The following SEH1L variants were observed in gnomAD, a reference collection of about 807,000 sequenced individuals.
The protein encoded by SEH1L is nucleoporin SEH1.
SEH1L carries 18 observed loss-of-function variants against 49.5 expected under a neutral mutation model. The ratio of observed to expected loss-of-function variants is 0.36; its 90% CI spans 0.25 to 0.54. The LOEUF (loss-of-function observed/expected upper bound fraction) is 0.54. Ranked by LOEUF, SEH1L falls within the 20% of genes least tolerant of loss-of-function variation. The pLI is 0.87. For missense variants in SEH1L, 404 were observed against 528.8 expected (o/e 0.76, Z 2.31); for synonymous variants, 169 against 178.1 (o/e 0.95, Z 0.41).
At chr18:12,975,603 C>T (rs1415378191) in intron 5 of SEH1L, 4 of 558,776 alleles carry the variant, frequency 7.2e-6, no homozygotes, top group Middle Eastern at 9.2e-4. Context: ...AGGAGAGAGA[C>T]AGGGGAGGGG....
At chr18:12,980,536 T>G (rs1598978376) in intron 6 of SEH1L, among the ~76,000 whole-genome samples, 1 of 78,654 alleles carries the variant, frequency 1.3e-5, no homozygotes, top group Non-Finnish European at 2.5e-5. Flanking sequence ...CCCACCTCCC[T>G]CCCGGACGGG....
rs1394796463 is a variant in SEH1L at position 12,955,383 on chromosome 18, A to G, written c.163-80A>G. ...CTGATGTAAAACCAGTGTTTATGAA[A>G]TATGAATAAGTATTTAGGAAAAAAG... On this transcript the variant is annotated intron_variant, in intron 2 of 8. Transcript: ENST00000399892. The G allele has an allele frequency of 2.9e-6, 4 of 1,363,684 alleles. No individual in the cohort carries two copies. In the African/African-American group the frequency reaches 5.8e-5, roughly 20 times the overall value. 84.5% of individuals were successfully genotyped at this position (1,363,684 alleles called of 1,614,324 possible).
chr18:12,967,022 G>A (rs1314706144), intron 4 of SEH1L, among the ~76,000 whole-genome samples: 1 of 151,240 alleles, frequency 6.6e-6, no homozygotes, highest in Non-Finnish European at 1.5e-5. Flanking sequence ...ACCAGTTTTT[G>A]TTACATGTAT....
rs1159074242 is a variant in SEH1L, at chr18:12,978,838, A to G, written c.707A>G (p.His236Arg). The change falls in exon 6 of 9, where the codon CAT (histidine) becomes CGT (arginine). Residue 236 changes from histidine (H) to arginine (R), a missense_variant. Coordinates refer to ENST00000399892, the MANE Select transcript of SEH1L (RefSeq NM_001013437.2). ...GCTCCAAATTTGGGAAGATCTTTCC[A>G]TATTCTAGCAATAGCGACCAAAGAT... ...AFAPNLGRSF[H>R]ILAIATKDVR... 6.2e-7 allele frequency: 1 copy of G among 1,614,066 alleles called. No homozygotes were observed. Among genetic ancestry groups the G allele is most frequent in the Non-Finnish European group, 8.5e-7 (1 of 1,179,946 alleles).
At chr18:12,952,185 T>G (rs2030574848) in intron 2 of SEH1L, among the ~76,000 whole-genome samples, 1 of 135,174 alleles carries the variant, frequency 7.4e-6, no homozygotes, top group Non-Finnish European at 1.7e-5. Flanking sequence ...CATACATAGT[T>G]TTCTCTTAAA....
In SEH1L at chr18:12,979,987, G is replaced by C. The variant is rs530093120; in HGVS notation, c.761+1095G>C. On this transcript the variant is annotated intron_variant, in intron 6 of 8. Coordinates refer to ENST00000399892, the MANE Select transcript of SEH1L (RefSeq NM_001013437.2). The stretch of plus-strand genomic sequence containing the variant: ...CCCTCACCTCCCGGACGGGGCGGCT[G>C]GCCGGGCGCGGGGCTGACCCCCCCA... Among the ~76,000 whole-genome samples, 304 of 138,660 alleles carry C rather than the reference G, an allele frequency of 2.2e-3. 7 individuals carry two copies. Among genetic ancestry groups the C allele is most frequent in the Non-Finnish European group, 2.9e-3 (180 of 63,080 alleles). The allele number at this position is 138,660 out of a possible 152,430, so 91.0% of individuals were successfully genotyped here.
At chr18:12,953,125 A>G (rs2030648149) in intron 2 of SEH1L, among the ~76,000 whole-genome samples, 1 of 152,204 alleles carries the variant, frequency 6.6e-6, no homozygotes, top group Admixed American at 6.5e-5. Context: ...GAATTTTGAA[A>G]TACATAGTCC....
At chr18:12,971,341 C>A in intron 5 of SEH1L, 90 bp downstream of exon 5, 1 of 862,676 alleles carries the variant, frequency 1.2e-6, no homozygotes, top group Non-Finnish European at 1.9e-6. Context: ...AATTATGTGT[C>A]ATTCATCATA....
intron 2 of SEH1L, among the ~76,000 whole-genome samples, chr18:12,953,916 T>G (rs1195580010): frequency 1.3e-5 from 2 of 152,250 alleles, no homozygotes; most frequent in African/African-American, 4.8e-5. Context: ...TATTTCAGTT[T>G]CCATTTTATT....
chr18:12,973,417 A>G lies in SEH1L; in HGVS notation c.620+2166A>G, dbSNP rs1401519925. ...CGAGTTCAAGTGATTCTCCTGCCTT[A>G]GCCTCCTGAATAGCTGGGATTACAA... is the stretch of plus-strand genomic sequence containing the variant. On this transcript the variant is annotated intron_variant, in intron 5 of 8. Transcript: ENST00000399892. The G allele has an allele frequency of 3.3e-5, 5 of 151,506 alleles. No homozygotes were observed. In the East Asian group the frequency reaches 9.7e-4, roughly 29 times the overall value. 9.4% of individuals were successfully genotyped at this position (151,506 alleles called of 1,614,324 possible).
At chr18:12,948,394 C>T (rs2030252536) in intron 1 of SEH1L, 162 bp downstream of exon 1, 1 of 539,082 alleles carries the variant, frequency 1.9e-6, no homozygotes, top group African/African-American at 2.0e-5. Context: ...TCCCCGCCCG[C>T]GTATTGTGGG....
rs532013173 is a variant in SEH1L at position 12,965,259 on chromosome 18, A to G, written c.521+1888A>G. Among the ~76,000 whole-genome samples the G allele has an allele frequency of 6.6e-5, 10 of 151,678 alleles. 1 individual carries two copies. In the Middle Eastern group the frequency reaches 0.01, roughly 155 times the overall value. On this transcript the variant is annotated intron_variant, in intron 4 of 8. Transcript: ENST00000399892. ...GATCTCCTGACCTTGTGATCCGCCC[A>G]CCTCGGCCTCCCAAACTGCTGGGAT...
rs1237584951 is a variant in SEH1L, at chr18:12,955,553, G to C, written c.253G>C (p.Val85Leu). The C allele has an allele frequency of 6.2e-7, 1 of 1,613,956 alleles. No individual in the cohort carries two copies. Among genetic ancestry groups the C allele is most frequent in the East Asian group, 2.2e-5 (1 of 44,870 alleles). The part of the protein sequence containing the change: ...ASCSFDRTAA[V>L]WEEIVGESND... Reference sequence around the variant, plus strand: ...CTGTTCTTTTGACCGAACAGCTGCTGTATGGGAAGAAATAGTAGGAGAATC... The same window carrying C: ...CTGTTCTTTTGACCGAACAGCTGCTCTATGGGAAGAAATAGTAGGAGAATC... The change falls in exon 3 of 9, where the codon GTA (valine) becomes CTA (leucine). Residue 85 changes from valine (V) to leucine (L), a missense_variant. Physicochemically the swap from Val to Leu is conservative, Grantham distance 32. Transcript: ENST00000399892.
At position 12,978,898 on chromosome 18, in the gene SEH1L, T is replaced by G; in HGVS notation, c.761+6T>G. On this transcript the variant is annotated splice_donor_region_variant and intron_variant, in intron 6 of 8. Transcript: ENST00000399892. ...TTTACATTAAAGCCTGTGAGGTGAG[T>G]TTTAGAAGCATTTATGAATTTGAAA... 6.2e-7 allele frequency: 1 copy of G among 1,612,532 alleles called. No homozygotes were observed. Among genetic ancestry groups the G allele is most frequent in the Non-Finnish European group, 8.5e-7 (1 of 1,179,106 alleles).
chr18:12,959,188 T>C (rs898082129), intron 3 of SEH1L, among the ~76,000 whole-genome samples: 1 of 152,234 alleles, frequency 6.6e-6, no homozygotes. Flanking sequence ...CCCATTTTTT[T>C]AAATTGGGTT....
chr18:12,948,894 G>C (rs1598934706), intron 1 of SEH1L: 1 of 145,032 alleles, frequency 6.9e-6, no homozygotes, highest in East Asian at 2.0e-4. Flanking sequence ...CTGTCACCCA[G>C]GCTGGAGTGC....
chr18:12,975,036 A>C (rs929568623), intron 5 of SEH1L, among the ~76,000 whole-genome samples: 2 of 151,284 alleles, frequency 1.3e-5, no homozygotes, highest in Admixed American at 6.6e-5. Flanking sequence ...CTTGTTGCCC[A>C]GGTTGGAGTG....
At chr18:12,967,906 T>A (rs973829086) in intron 4 of SEH1L, among the ~76,000 whole-genome samples, 5 of 150,992 alleles carry the variant, frequency 3.3e-5, no homozygotes, top group African/African-American at 1.2e-4. Flanking sequence ...AGAGCGAGAC[T>A]GTCTCAAAAA....
intron 5 of SEH1L, chr18:12,975,676 C>G: frequency 3.0e-6 from 3 of 984,514 alleles, no homozygotes; most frequent in Non-Finnish European, 3.6e-6. Context: ...TCTATCCTGG[C>G]AGCATTTGGA....
Sources: allele counts gnomAD v4.1 joint callset (sites outside exome capture counted in the v4.1 genomes callset), GRCh38; gene constraint gnomAD v4.1.1; transcripts MANE v1.5; gene names NCBI Gene and HGNC (gene_info 2026-07-23, HGNC 2026-07-21).